ZFHX3: variants seen among roughly 807,000 people sequenced by gnomAD.
The protein encoded by ZFHX3 is zinc finger homeobox 3.
In ZFHX3, 42 loss-of-function variants were observed where a neutral mutation model predicts 279.1. The ratio of observed to expected loss-of-function variants is 0.15; its 90% CI spans 0.12 to 0.19. ZFHX3 has a LOEUF of 0.19. Among genes scored for constraint, ZFHX3 ranks in the 10% least tolerant of loss-of-function variants. The pLI is 1.00. For missense variants in ZFHX3, 4,981 were observed against 4,754.0 expected (o/e 1.05, Z -1.40); for synonymous variants, 2,293 against 1,957.8 (o/e 1.17, Z -4.52).
rs982415838 is a variant in ZFHX3, at chr16:73,808,020, G to T, written c.-1608+83631C>A. ...TGGAAGATTCAGGGTTCAAAACGAG[G>T]GTATAATGTCCATGCTAGAGGGCTT... On this transcript the variant is annotated intron_variant, in intron 1 of 17. Transcript: ENST00000641206. 5.3e-5 allele frequency among the ~76,000 whole-genome samples: 8 copies of T among 152,026 alleles called. No homozygotes were observed. The East Asian group carries it at 1.6e-3, about 29-fold the overall frequency.
In ZFHX3 at chr16:73,196,740, C is replaced by T. The variant is rs562242031; in HGVS notation, c.-1103-52909G>A. On this transcript the variant is annotated intron_variant, in intron 5 of 17. Coordinates refer to the ZFHX3 transcript ENST00000641206. ...ATCTAGCCCAAATAATAGACCCATACGTGTAGGTGGCACTTAAAAAATACC... is the reference window on the plus strand; with the variant it reads ...ATCTAGCCCAAATAATAGACCCATATGTGTAGGTGGCACTTAAAAAATACC... 1.6e-3 allele frequency among the ~76,000 whole-genome samples: 250 copies of T among 152,224 alleles called. 4 individuals carry two copies. The South Asian group carries it at 0.029, about 17-fold the overall frequency.
At position 73,412,609 on chromosome 16, in the gene ZFHX3, C is replaced by T. The variant is rs140553452; in HGVS notation, c.-1291+43394G>A. On this transcript the variant is annotated intron_variant, in intron 3 of 17. Transcript: ENST00000641206. ...GCAAGGTCTGTAGTGTTAAGACTGC[C>T]GATGGCCTGAGAGAAGAGGCCGATG... Among the ~76,000 whole-genome samples, 264 of 152,246 alleles carry T rather than the reference C, an allele frequency of 1.7e-3. 5 individuals are homozygous for T. In the East Asian group the frequency reaches 0.043, roughly 25 times the overall value.
chr16:73,676,976 A>G (rs2052961493), intron 2 of ZFHX3, among the ~76,000 whole-genome samples: 1 of 151,992 alleles, frequency 6.6e-6, no homozygotes. Context: ...AGTAAAAGTT[A>G]AAGAATAGTA....
rs760410635 is a variant in ZFHX3 at position 72,787,754 on chromosome 16, C to G, written c.10522G>C (p.Gly3508Arg). ...CCGCCGCCACTGCCACCGCCGCCGC[C>G]GCCGGTGGGGACGTGAAGCACCATC... ...QEMVLHVPTG[G>R]GGGGSGGGGG... Residue 3508 changes from glycine to arginine, a missense_variant, in exon 10 of 10, where the codon GGC becomes CGC. Gly to Arg is a moderately radical substitution (Grantham distance 125). Around this residue, in one of 7 missense-constraint regions of ZFHX3, gnomAD observed 1,034 missense variants for 786.0 expected, o/e 1.32. Transcript: ENST00000268489. 7.0e-7 allele frequency: 1 copy of G among 1,422,818 alleles called. No homozygotes were observed. The highest frequency in any genetic ancestry group is 9.2e-7 in the Non-Finnish European group (1 of 1,086,530). 88.1% of individuals were successfully genotyped at this position (1,422,818 alleles called of 1,614,324 possible).
intron 1 of ZFHX3, among the ~76,000 whole-genome samples, chr16:73,799,218 C>T (rs996919113): frequency 6.6e-6 from 1 of 152,120 alleles, no homozygotes; most frequent in African/African-American, 2.4e-5. Context: ...CTATAAAATG[C>T]CAATGAGTAA....
chr16:73,114,097 T>A (rs1439740114), intron 7 of ZFHX3, among the ~76,000 whole-genome samples: 2 of 143,756 alleles, frequency 1.4e-5, no homozygotes, highest in African/African-American at 5.8e-5. Context: ...TGCCCGGCCA[T>A]TTTTTTTTAA....
chr16:73,706,625 C>T (rs777903525), intron 1 of ZFHX3, among the ~76,000 whole-genome samples: 2 of 152,170 alleles, frequency 1.3e-5, no homozygotes, highest in African/African-American at 2.4e-5. Context: ...CCCACCTATT[C>T]GCCTTCATGC....
chr16:73,483,126 A>C (rs927953182), intron 2 of ZFHX3, among the ~76,000 whole-genome samples: 7 of 152,196 alleles, frequency 4.6e-5, no homozygotes, highest in Non-Finnish European at 1.0e-4. Context: ...AATGTGGATC[A>C]GCTTAGGGTC....
intron 7 of ZFHX3, among the ~76,000 whole-genome samples, chr16:73,124,387 A>G (rs962211038): frequency 6.6e-6 from 1 of 152,078 alleles, no homozygotes; most frequent in Admixed American, 6.6e-5. Context: ...CACTAATTCC[A>G]TTCATTCATG....
At chr16:73,609,892 T>C (rs180977748) in intron 2 of ZFHX3, 72 of 152,310 alleles carry the variant, frequency 4.7e-4, no homozygotes, top group African/African-American at 1.6e-3. Context: ...GTTACTCCAA[T>C]TGGTCAATCT....
intron 1 of ZFHX3, among the ~76,000 whole-genome samples, chr16:73,779,718 C>G (rs1243845675): frequency 6.6e-6 from 1 of 152,102 alleles, no homozygotes; most frequent in East Asian, 1.9e-4. Context: ...AACAGTAATC[C>G]CAAGCCTTTC....
At chr16:73,253,472 G>C (rs28675190) in intron 5 of ZFHX3, among the ~76,000 whole-genome samples, 42,195 of 139,832 alleles carry the variant, frequency 0.3, 6,590 homozygotes, top group African/African-American at 0.43. Flanking sequence ...TTTTTTTTGA[G>C]ATGGAGTCTC....
intron 1 of ZFHX3, among the ~76,000 whole-genome samples, chr16:73,784,808 T>A (rs1487634178): frequency 7.4e-6 from 1 of 135,650 alleles, no homozygotes; most frequent in African/African-American, 2.8e-5. Context: ...TATATATATA[T>A]ATATATATAC....
intron 4 of ZFHX3, among the ~76,000 whole-genome samples, chr16:73,264,092 G>A (rs543619028): frequency 2.1e-4 from 32 of 152,240 alleles, no homozygotes; most frequent in South Asian, 2.1e-4. Flanking sequence ...GCTTGAACCC[G>A]GGAGGCAGGG....
rs1166563560 is a variant in ZFHX3, at chr16:73,822,575, T to C, written c.-1608+69076A>G. 2.6e-5 allele frequency among the ~76,000 whole-genome samples: 4 copies of C among 152,282 alleles called. No homozygotes were observed. The South Asian group carries it at 6.2e-4, about 24-fold the overall frequency. The stretch of plus-strand genomic sequence containing the variant: ...ATAATGCTTTACTCTTAGTTGCTAA[T>C]GTCCAGATGAGTTCTGCTCGGCATA... On this transcript the variant is annotated intron_variant, in intron 1 of 17. Coordinates refer to the ZFHX3 transcript ENST00000641206.
At chr16:72,897,519 A>C (rs767818383) in intron 3 of ZFHX3, among the ~76,000 whole-genome samples, 4 of 152,004 alleles carry the variant, frequency 2.6e-5, no homozygotes, top group Admixed American at 1.3e-4. Context: ...GGCTTACTAC[A>C]GCCTCAACCT....
At chr16:72,871,688 G>A (rs1328497233) in intron 4 of ZFHX3, among the ~76,000 whole-genome samples, 1 of 149,148 alleles carries the variant, frequency 6.7e-6, no homozygotes, top group Non-Finnish European at 1.5e-5. Context: ...TGTTGGCCAG[G>A]GTGGTTTTGA....
In ZFHX3 at chr16:72,974,568, AACACAC is replaced by A. The variant is rs59350988; in HGVS notation, c.-49-14380_-49-14375del. On this transcript the variant is annotated intron_variant, in intron 1 of 9. Coordinates refer to ENST00000268489, the MANE Select transcript of ZFHX3 (RefSeq NM_006885.4). ...CCCTTTGGAGGCTCACTGATAGGGCAACACACACACACACACACACACACACACACA... is the reference window on the plus strand; with the variant it reads ...CCCTTTGGAGGCTCACTGATAGGGCAACACACACACACACACACACACACA... Among the ~76,000 whole-genome samples the A allele has an allele frequency of 9.3e-3, 1,378 of 147,672 alleles. 3 individuals carry two copies. The highest frequency in any genetic ancestry group is 0.017 in the Middle Eastern group (5 of 288).
At chr16:73,129,880 G>A (rs368563038) in intron 7 of ZFHX3, among the ~76,000 whole-genome samples, 6 of 152,112 alleles carry the variant, frequency 3.9e-5, no homozygotes, top group East Asian at 3.9e-4. Flanking sequence ...TTAGGTAGTC[G>A]ACTTAATATT....
Sources: gnomAD v4.1 joint callset for allele counts (sites outside exome capture counted in the v4.1 genomes callset) on GRCh38, gnomAD v4.1.1 for gene constraint, gnomAD v4.1.1 regional missense constraint, MANE v1.5 for transcripts, NCBI Gene and HGNC (gene_info 2026-07-23, HGNC 2026-07-21) for gene names.